The following ALMS1 variants were observed in gnomAD, a reference collection of about 807,000 sequenced individuals.
The protein encoded by ALMS1 is centrosome-associated protein ALMS1.
A neutral mutation model predicts 352.2 loss-of-function variants in ALMS1; 271 were observed. The ratio of observed to expected loss-of-function variants is 0.77; its 90% CI spans 0.70 to 0.85. ALMS1 has a LOEUF of 0.85. ALMS1 is among the 40% of genes least tolerant of loss of function. ALMS1 has a pLI of 0.00. For synonymous variants in ALMS1, 1,865 were observed against 1,761.2 expected, an observed-to-expected ratio of 1.06 and a Z score of -1.48; for missense variants, 5,445 against 4,870.7, an observed-to-expected ratio of 1.12 and a Z score of -3.51.
Position 73,449,255 on chromosome 2 carries a change from C to A in ALMS1, c.2728C>A (p.His910Asn), listed in dbSNP as rs770645274. 4 of 1,613,978 alleles carry A rather than the reference C, an allele frequency of 2.5e-6. No homozygotes were observed. Among genetic ancestry groups the A allele is most frequent in the South Asian group, 1.1e-5 (1 of 91,076 alleles). Residue 910 changes from histidine (H) to asparagine (N), a missense_variant, in exon 8 of 23, where the codon CAC (histidine) becomes AAC (asparagine). Physicochemically the swap from His to Asn is moderately conservative, Grantham distance 68. Coordinates refer to ENST00000613296, the MANE Select transcript of ALMS1 (RefSeq NM_001378454.1). ...CTCAGCACCATCTAGTTTCTACTCA[C>A]ACAGAGAGAAGCCCATTATTTTTTC... ...IPSAPSSFYSHREKPIIFSQQ... is the reference protein window; with the variant it reads ...IPSAPSSFYSNREKPIIFSQQ...
intron 1 of ALMS1, among the ~76,000 whole-genome samples, chr2:73,406,436 GTTT>G (rs555343293): frequency 8.2e-6 from 1 of 122,048 alleles, no homozygotes; most frequent in African/African-American, 3.0e-5. Flanking sequence ...AATCCTATGG[GTTT>G]TTTTTTTTTT....
intron 9 of ALMS1, among the ~76,000 whole-genome samples, chr2:73,472,499 CAT>C (rs965780639): frequency 3.3e-5 from 5 of 151,946 alleles, no homozygotes; most frequent in Non-Finnish European, 4.4e-5. Context: ...TGAGAAAAGT[CAT>C]ATAATATGGT....
At chr2:73,465,237 A>G (rs577999567) in intron 9 of ALMS1, among the ~76,000 whole-genome samples, 3 of 152,214 alleles carry the variant, frequency 2.0e-5, no homozygotes, top group East Asian at 1.9e-4. Context: ...ACTTCAAACT[A>G]TACTACAAGG....
intron 12 of ALMS1, among the ~76,000 whole-genome samples, chr2:73,540,185 C>T (rs917134171): frequency 6.6e-6 from 1 of 152,036 alleles, no homozygotes; most frequent in Admixed American, 6.6e-5. Flanking sequence ...AGCAGAAACT[C>T]CAATCCAGAA....
At chr2:73,424,190 TAGG>T (rs914397234) in intron 4 of ALMS1, among the ~76,000 whole-genome samples, 3 of 152,190 alleles carry the variant, frequency 2.0e-5, no homozygotes, top group African/African-American at 4.8e-5. Flanking sequence ...TCTATTGTTT[TAGG>T]AGAAGTCTGA....
intron 10 of ALMS1, among the ~76,000 whole-genome samples, chr2:73,513,105 A>G (rs1282592001): frequency 6.6e-6 from 1 of 151,842 alleles, no homozygotes; most frequent in Non-Finnish European, 1.5e-5. Flanking sequence ...TTTCTTGCCA[A>G]CCTCTCCCCA....
chr2:73,490,179 C>T lies in ALMS1; in HGVS notation c.8220C>T (p.Ser2740=), dbSNP rs920410396. ...SVVKVGVTEG[S]QCTGASVGVF... The stretch of plus-strand genomic sequence containing the variant: ...TTAAGGTTGGTGTTACTGAAGGTAG[C>T]CAGTGTACTGGAGCATCTGTGGGGG... The change falls in exon 10 of 23, where the codon AGC becomes AGT. Residue 2740 remains serine, a synonymous_variant. Transcript: ENST00000613296. The T allele has an allele frequency of 1.2e-6, 2 of 1,614,164 alleles. No homozygotes were observed. Among genetic ancestry groups the T allele is most frequent in the Non-Finnish European group, 1.7e-6 (2 of 1,180,018 alleles).
At chr2:73,488,341 G>A (rs1031841902) in intron 9 of ALMS1, among the ~76,000 whole-genome samples, 1 of 152,202 alleles carries the variant, frequency 6.6e-6, no homozygotes, top group Non-Finnish European at 1.5e-5. Context: ...CACCTGGCTG[G>A]GTCGCAACAG....
At chr2:73,514,619 T>C (rs772605949) in intron 10 of ALMS1, among the ~76,000 whole-genome samples, 40 of 152,196 alleles carry the variant, frequency 2.6e-4, no homozygotes, top group Non-Finnish European at 2.1e-4. Context: ...TGTATGTATG[T>C]ATATGTACAT....
At chr2:73,510,388 G>C (rs1673424056) in intron 10 of ALMS1, among the ~76,000 whole-genome samples, 1 of 152,168 alleles carries the variant, frequency 6.6e-6, no homozygotes, top group Non-Finnish European at 1.5e-5. Context: ...AACTTCAGAT[G>C]GAGTTTTTGC....
At position 73,572,680 on chromosome 2, in the gene ALMS1, GT is replaced by G; in HGVS notation, c.10804del (p.Trp3602GlyfsTer59). 6.2e-7 allele frequency: 1 copy of G among 1,614,114 alleles called. No homozygotes were observed. The highest frequency in any genetic ancestry group is 8.5e-7 in the Non-Finnish European group (1 of 1,180,008). On this transcript the variant is annotated frameshift_variant, in exon 16 of 23. Transcript: ENST00000613296. LOFTEE classifies it high-confidence loss of function. ...AGCACACTGTGAGTTTGAATGAACTGTGGAACAAGTATCGGGAGCGACAGAG... is the reference window on the plus strand; with the variant it reads ...AGCACACTGTGAGTTTGAATGAACTGGGAACAAGTATCGGGAGCGACAGAG... The part of the protein sequence containing the change: ...TQHTVSLNEL[W>X]NKYRERQRQQ...
intron 1 of ALMS1, among the ~76,000 whole-genome samples, chr2:73,392,079 T>A (rs1171919353): frequency 6.6e-6 from 1 of 152,160 alleles, no homozygotes; most frequent in East Asian, 1.9e-4. Context: ...CAATTTTGTG[T>A]AATTATGCTT....
chr2:73,399,276 T>C (rs1670824767), intron 1 of ALMS1, among the ~76,000 whole-genome samples: 3 of 152,176 alleles, frequency 2.0e-5, no homozygotes, highest in Admixed American at 1.3e-4. Flanking sequence ...TCCAATACAC[T>C]GTTGGACAGT....
intron 16 of ALMS1, among the ~76,000 whole-genome samples, chr2:73,588,142 G>A (rs560811487): frequency 4.5e-4 from 69 of 152,246 alleles, no homozygotes; most frequent in African/African-American, 1.6e-3. Context: ...AAGATAAAGA[G>A]GGAATCCTCC....
Position 73,448,184 on chromosome 2 carries a change from A to G in ALMS1, c.1657A>G (p.Lys553Glu). The G allele has an allele frequency of 6.2e-7, 1 of 1,614,072 alleles. No individual in the cohort carries two copies. Among genetic ancestry groups the G allele is most frequent in the Non-Finnish European group, 8.5e-7 (1 of 1,179,926 alleles). Reference protein sequence around the residue: ...ADTHLTEETLKVTAIPEPADQ... With the variant: ...ADTHLTEETLEVTAIPEPADQ... ...TACTCATCTAACTGAAGAGACTCTGAAAGTCACAGCTATTCCTGAACCAGC... is the reference window on the plus strand; with the variant it reads ...TACTCATCTAACTGAAGAGACTCTGGAAGTCACAGCTATTCCTGAACCAGC... Residue 553 changes from lysine (K) to glutamate (E), a missense_variant, in exon 8 of 23, where the codon AAA becomes GAA. Transcript: ENST00000613296.
intron 21 of ALMS1, among the ~76,000 whole-genome samples, chr2:73,604,622 A>T (rs1026680825): frequency 1.2e-4 from 18 of 152,076 alleles, no homozygotes; most frequent in Non-Finnish European, 2.4e-4. Context: ...TTTTTACTCT[A>T]TCTAGTCAGC....
chr2:73,510,705 G>T (rs1026389594), intron 10 of ALMS1, among the ~76,000 whole-genome samples: 1 of 152,228 alleles, frequency 6.6e-6, no homozygotes, highest in Non-Finnish European at 1.5e-5. Context: ...GGACCCACTT[G>T]TGGAGGCATT....
intron 14 of ALMS1, among the ~76,000 whole-genome samples, chr2:73,558,525 T>A (rs186005239): frequency 6.6e-6 from 1 of 152,240 alleles, no homozygotes; most frequent in Non-Finnish European, 1.5e-5. Flanking sequence ...CAAACAACTT[T>A]CTAACACTAG....
intron 1 of ALMS1, 30 bp from the exon 2 acceptor site, chr2:73,408,592 A>T: frequency 6.2e-7 from 1 of 1,606,812 alleles, no homozygotes; most frequent in Non-Finnish European, 8.5e-7. Flanking sequence ...TTGTGTTATT[A>T]CTCTATTTAA....
Sources: gnomAD v4.1 joint callset for allele counts (sites outside exome capture counted in the v4.1 genomes callset) on GRCh38, gnomAD v4.1.1 for gene constraint, MANE v1.5 for transcripts, NCBI Gene and HGNC (gene_info 2026-07-23, HGNC 2026-07-21) for gene names.